The following MIPOL1 variants were observed in gnomAD, a reference collection of about 807,000 sequenced individuals.
The protein encoded by MIPOL1 is mirror-image polydactyly gene 1 protein.
Under a neutral mutation model 60.9 loss-of-function variants are expected in MIPOL1, and 57 were observed. The ratio of observed to expected loss-of-function variants is 0.94; its 90% CI spans 0.76 to 1.17. The LOEUF is 1.17. Ranked by LOEUF, MIPOL1 falls within the 50% of genes most tolerant of loss-of-function variation. MIPOL1 has a pLI of 0.00. For synonymous variants in MIPOL1, 179 were observed against 168.8 expected, an observed-to-expected ratio of 1.06 and a Z score of -0.47; for missense variants, 551 against 511.6, an observed-to-expected ratio of 1.08 and a Z score of -0.74.
chr14:37,374,886 G>T (rs2092732709), intron 10 of MIPOL1, among the ~76,000 whole-genome samples: 1 of 152,138 alleles, frequency 6.6e-6, no homozygotes, highest in Non-Finnish European at 1.5e-5. Context: ...GGTTCCATAT[G>T]AAATTTAAAG....
intron 12 of MIPOL1, among the ~76,000 whole-genome samples, chr14:37,528,338 A>G (rs2153634979): frequency 6.6e-6 from 1 of 152,162 alleles, no homozygotes; most frequent in African/African-American, 2.4e-5. Flanking sequence ...CTATGATTGT[A>G]CTATAATTTA....
intron 9 of MIPOL1, among the ~76,000 whole-genome samples, chr14:37,332,672 A>T (rs2089804805): frequency 7.2e-6 from 1 of 139,836 alleles, no homozygotes; most frequent in Non-Finnish European, 1.5e-5. Context: ...TCATCTGATT[A>T]TAGGATGAAT....
At chr14:37,538,106 TAG>T (rs2095514425) in intron 12 of MIPOL1, among the ~76,000 whole-genome samples, 1 of 152,216 alleles carries the variant, frequency 6.6e-6, no homozygotes, top group African/African-American at 2.4e-5. Flanking sequence ...ACTAAGGACT[TAG>T]TATGCTCTGA....
At chr14:37,355,237 C>G (rs1183243310) in intron 9 of MIPOL1, among the ~76,000 whole-genome samples, 1 of 140,628 alleles carries the variant, frequency 7.1e-6, no homozygotes, top group Non-Finnish European at 1.5e-5. Context: ...TATTGGCCCC[C>G]ACTCTCTTCT....
At chr14:37,218,710 G>A (rs749148106) in intron 1 of MIPOL1, among the ~76,000 whole-genome samples, 11 of 151,956 alleles carry the variant, frequency 7.2e-5, no homozygotes, top group African/African-American at 1.2e-4. Flanking sequence ...GCTGAGTTAG[G>A]CAGATCACTT....
chr14:37,446,922 T>G (rs1473134328), intron 11 of MIPOL1, among the ~76,000 whole-genome samples: 2 of 144,460 alleles, frequency 1.4e-5, no homozygotes, highest in African/African-American at 5.2e-5. Context: ...TGGGGACTGT[T>G]GTGGGGTGGG....
chr14:37,418,531 T>C (rs1449530630), intron 10 of MIPOL1, among the ~76,000 whole-genome samples: 2 of 152,192 alleles, frequency 1.3e-5, no homozygotes, highest in Non-Finnish European at 2.9e-5. Context: ...TATCAAATGA[T>C]CATTTGATTC....
At chr14:37,500,992 G>C (rs1412736226) in intron 12 of MIPOL1, among the ~76,000 whole-genome samples, 2 of 151,962 alleles carry the variant, frequency 1.3e-5, no homozygotes, top group Non-Finnish European at 2.9e-5. Context: ...CTCACATCAA[G>C]GTTTCTTACT....
intron 12 of MIPOL1, among the ~76,000 whole-genome samples, chr14:37,540,009 C>T (rs2095523456): frequency 6.6e-6 from 1 of 152,176 alleles, no homozygotes; most frequent in African/African-American, 2.4e-5. Flanking sequence ...CTTCTCCTTG[C>T]TGCTGTCATG....
At chr14:37,545,817 C>G (rs1431637074) in intron 12 of MIPOL1, 4 of 472,930 alleles carry the variant, frequency 8.5e-6, no homozygotes, top group Non-Finnish European at 1.5e-5. Context: ...GTGTCTAGCT[C>G]TGTGCTGTGT....
intron 9 of MIPOL1, among the ~76,000 whole-genome samples, chr14:37,365,661 C>T (rs1178119562): frequency 6.6e-6 from 1 of 151,952 alleles, no homozygotes; most frequent in Non-Finnish European, 1.5e-5. Flanking sequence ...TATTGGCCTA[C>T]AGTTTTCTTT....
intron 9 of MIPOL1, among the ~76,000 whole-genome samples, chr14:37,324,215 A>C (rs375328086): frequency 1.3e-5 from 2 of 152,034 alleles, no homozygotes; most frequent in East Asian, 3.8e-4. Flanking sequence ...TCTGCATACT[A>C]ATCAACACTT....
intron 11 of MIPOL1, among the ~76,000 whole-genome samples, chr14:37,476,895 CTTT>C (rs869027204): frequency 0.02 from 1,712 of 87,082 alleles, 9 homozygotes; most frequent in Non-Finnish European, 0.028. Flanking sequence ...CTTGTAATGT[CTTT>C]TTTTTTTTTT....
At chr14:37,459,210 A>G (rs1194512175) in intron 11 of MIPOL1, among the ~76,000 whole-genome samples, 2 of 152,178 alleles carry the variant, frequency 1.3e-5, no homozygotes, top group African/African-American at 4.8e-5. Context: ...AAATGAATCA[A>G]AGAATCAACA....
intron 11 of MIPOL1, among the ~76,000 whole-genome samples, chr14:37,462,593 A>C (rs1566648995): frequency 1.3e-5 from 2 of 152,152 alleles, no homozygotes. Context: ...TTCCTTTCTG[A>C]AACTGAATGC....
chr14:37,252,899 G>A lies in MIPOL1; in HGVS notation c.19+4992G>A, dbSNP rs75681625. Among the ~76,000 whole-genome samples, 74 of 151,760 alleles carry A rather than the reference G, an allele frequency of 4.9e-4. No homozygotes were observed. The East Asian group carries it at 0.012, about 24-fold the overall frequency. ...TTATAAACTATTTTATGTTTAAGGC[G>A]GAGAAGAAGGAAATGACAAATTGCT... is the stretch of plus-strand genomic sequence containing the variant. On this transcript the variant is annotated intron_variant, in intron 3 of 12. Transcript: ENST00000684589.
At chr14:37,426,574 T>TACATATATACATATACATAC (rs1204871298) in intron 11 of MIPOL1, among the ~76,000 whole-genome samples, 3 of 79,286 alleles carry the variant, frequency 3.8e-5, no homozygotes, top group African/African-American at 1.1e-4. Flanking sequence ...AATATACATA[T>TACATATATACATATACATAC]ATATATATAT....
At chr14:37,426,236 G>A (rs991751681) in intron 11 of MIPOL1, among the ~76,000 whole-genome samples, 2 of 151,960 alleles carry the variant, frequency 1.3e-5, no homozygotes, top group African/African-American at 4.8e-5. Context: ...AAGGAATTAA[G>A]AATAGCTATA....
chr14:37,328,126 C>A (rs1255830698), intron 9 of MIPOL1, among the ~76,000 whole-genome samples: 2 of 152,080 alleles, frequency 1.3e-5, no homozygotes, highest in Non-Finnish European at 2.9e-5. Context: ...AATTCTTCTG[C>A]CCCAGCCTCC....
Sources: allele counts gnomAD v4.1 joint callset (sites outside exome capture counted in the v4.1 genomes callset), GRCh38; gene constraint gnomAD v4.1.1; transcripts MANE v1.5; gene names NCBI Gene and HGNC (gene_info 2026-07-23, HGNC 2026-07-21).